The following COBLL1 variants were observed in gnomAD, a reference collection of about 807,000 sequenced individuals.
COBLL1 encodes cordon-bleu protein-like 1.
A neutral mutation model predicts 94.8 loss-of-function variants in COBLL1; 50 were observed. That is an observed-to-expected ratio of 0.53 (90% CI 0.42 to 0.67). The LOEUF (loss-of-function observed/expected upper bound fraction) is 0.67, where lower values mean the gene tolerates loss of function less well. Among genes scored for constraint, COBLL1 ranks in the 30% least tolerant of loss-of-function variants. The pLI is 0.00. For synonymous variants in COBLL1, 448 were observed against 473.8 expected, an observed-to-expected ratio of 0.95 and a Z score of 0.71; for missense variants, 1,362 against 1,348.7, an observed-to-expected ratio of 1.01 and a Z score of -0.15.
chr2:164,707,035 C>T lies in COBLL1; in HGVS notation c.997-1930G>A, dbSNP rs555807859. ...CCTCTTTGCTGCTCTTCAAATGTGC[C>T]GGCAGAGTTCCTCCATCACAGGGTG... On this transcript the variant is annotated intron_variant, in intron 7 of 13. Coordinates refer to ENST00000652658, the MANE Select transcript of COBLL1 (RefSeq NM_001365672.2). Among the ~76,000 whole-genome samples the T allele has an allele frequency of 2.6e-4, 39 of 152,224 alleles. No homozygotes were observed. In the Middle Eastern group the frequency reaches 0.01, roughly 40 times the overall value.
chr2:164,703,190 T>C (rs1290433960), intron 9 of COBLL1: 2 of 1,613,506 alleles, frequency 1.2e-6, no homozygotes, highest in African/African-American at 2.7e-5. Context: ...AGTGCACTGC[T>C]CCTGACTGGA....
intron 2 of COBLL1, among the ~76,000 whole-genome samples, chr2:164,744,677 CATGGT>C (rs1686778247): frequency 1.3e-5 from 2 of 152,250 alleles, no homozygotes; most frequent in South Asian, 4.1e-4. Context: ...AAGAAAGCCG[CATGGT>C]ATGGATGGCT....
chr2:164,786,731 A>C (rs913849576), intron 2 of COBLL1, among the ~76,000 whole-genome samples: 16 of 152,138 alleles, frequency 1.1e-4, no homozygotes, highest in African/African-American at 3.9e-4. Flanking sequence ...TCACCTTCCC[A>C]GATTCTTTGT....
At chr2:164,742,748 A>T (rs1256044511) in intron 3 of COBLL1, among the ~76,000 whole-genome samples, 1 of 152,192 alleles carries the variant, frequency 6.6e-6, no homozygotes, top group African/African-American at 2.4e-5. Flanking sequence ...TTAATGATAA[A>T]TCTTAAAATT....
At chr2:164,744,615 T>C (rs1222123821) in intron 2 of COBLL1, among the ~76,000 whole-genome samples, 1 of 151,764 alleles carries the variant, frequency 6.6e-6, no homozygotes, top group African/African-American at 2.4e-5. Flanking sequence ...AGTCCAGGAG[T>C]TTGAGTCCAG....
intron 2 of COBLL1, among the ~76,000 whole-genome samples, chr2:164,833,139 G>T (rs967993296): frequency 2.0e-5 from 3 of 152,022 alleles, no homozygotes; most frequent in Non-Finnish European, 4.4e-5. Flanking sequence ...CGAGTGAGGC[G>T]AGAGGATCTC....
At chr2:164,758,666 AT>A (rs964707070) in intron 2 of COBLL1, among the ~76,000 whole-genome samples, 3 of 151,956 alleles carry the variant, frequency 2.0e-5, no homozygotes, top group Non-Finnish European at 2.9e-5. Context: ...CTACAATTAA[AT>A]TTTTTTTAAT....
chr2:164,801,753 T>A (rs1421842264), intron 2 of COBLL1, among the ~76,000 whole-genome samples: 1 of 152,210 alleles, frequency 6.6e-6, no homozygotes, highest in African/African-American at 2.4e-5. Flanking sequence ...TTTGTTCTTG[T>A]GCTACCTCCA....
At chr2:164,833,562 T>C (rs1209855994) in intron 2 of COBLL1, among the ~76,000 whole-genome samples, 1 of 151,514 alleles carries the variant, frequency 6.6e-6, no homozygotes, top group African/African-American at 2.4e-5. Context: ...GCCATTCTCC[T>C]GCCTCAGCCT....
chr2:164,763,521 C>T (rs355839), intron 2 of COBLL1, among the ~76,000 whole-genome samples: 1 of 151,930 alleles, frequency 6.6e-6, no homozygotes, highest in South Asian at 2.1e-4. Context: ...ATGGCTTATG[C>T]GAAAGGTTAG....
At chr2:164,749,872 A>G (rs1428964860) in intron 2 of COBLL1, among the ~76,000 whole-genome samples, 1 of 152,104 alleles carries the variant, frequency 6.6e-6, no homozygotes, top group Non-Finnish European at 1.5e-5. Flanking sequence ...CATCTTGGTC[A>G]CACTGAGCAC....
chr2:164,704,593 T>G, intron 8 of COBLL1, 75 bp from the exon 9 acceptor site: 1 of 1,245,452 alleles, frequency 8.0e-7, no homozygotes, highest in East Asian at 2.3e-5. Flanking sequence ...TTAACTTAGT[T>G]ATATAGTTCA....
chr2:164,667,629 C>A (rs914046125), intron 1 of COBLL1, among the ~76,000 whole-genome samples: 1 of 152,242 alleles, frequency 6.6e-6, no homozygotes, highest in Non-Finnish European at 1.5e-5. Flanking sequence ...GTTACAGAGA[C>A]AGCTTCTTTT....
intron 2 of COBLL1, among the ~76,000 whole-genome samples, chr2:164,817,374 AAAAAG>A (rs754042496): frequency 2.0e-5 from 3 of 150,836 alleles, no homozygotes; most frequent in Admixed American, 6.6e-5. Flanking sequence ...AAAAAAAAAA[AAAAAG>A]AAGAAGAAGA....
At chr2:164,767,329 G>T (rs1417431952) in intron 2 of COBLL1, among the ~76,000 whole-genome samples, 2 of 152,134 alleles carry the variant, frequency 1.3e-5, no homozygotes, top group African/African-American at 4.8e-5. Context: ...ATGGAAAATA[G>T]TTTAGGATTA....
chr2:164,823,728 C>CTTA (rs1183375206), intron 2 of COBLL1, among the ~76,000 whole-genome samples: 1 of 152,166 alleles, frequency 6.6e-6, no homozygotes, highest in Non-Finnish European at 1.5e-5. Context: ...CACAGGGGAT[C>CTTA]TTATACATCT....
chr2:164,736,439 A>G (rs1370704529), intron 3 of COBLL1, among the ~76,000 whole-genome samples: 3 of 152,202 alleles, frequency 2.0e-5, no homozygotes, highest in African/African-American at 7.2e-5. Context: ...AGATTTGAAG[A>G]TAAATAGTAA....
intron 8 of COBLL1, 32 bp downstream of exon 8, chr2:164,704,920 C>T: frequency 2.0e-6 from 3 of 1,523,544 alleles, no homozygotes; most frequent in South Asian, 1.3e-5. Flanking sequence ...AAACACAATA[C>T]AAATGTAATG....
At chr2:164,726,624 T>C (rs896791428) in intron 5 of COBLL1, among the ~76,000 whole-genome samples, 3 of 152,170 alleles carry the variant, frequency 2.0e-5, no homozygotes, top group Non-Finnish European at 4.4e-5. Context: ...ACCTATTGTG[T>C]TAAACACACT....
Sources: allele counts gnomAD v4.1 joint callset (sites outside exome capture counted in the v4.1 genomes callset), GRCh38; gene constraint gnomAD v4.1.1; transcripts MANE v1.5; gene names NCBI Gene and HGNC (gene_info 2026-07-23, HGNC 2026-07-21).